Variants in C12orf56 observed in about 807,000 individuals in gnomAD.
C12orf56 encodes uncharacterized protein C12orf56.
In C12orf56, 71 loss-of-function variants were observed where a neutral mutation model predicts 69.9. The ratio of observed to expected loss-of-function variants is 1.02; its 90% confidence interval spans 0.84 to 1.24. The LOEUF is 1.24. Among genes scored for constraint, C12orf56 ranks in the 50% most tolerant of loss-of-function variants. C12orf56 has a pLI of 0.00. For missense variants in C12orf56, 732 were observed against 738.5 expected, an observed-to-expected ratio of 0.99 and a Z score of 0.10; for synonymous variants, 276 against 274.1, an observed-to-expected ratio of 1.01 and a Z score of -0.07.
chr12:64,283,876 A>G (rs1399058361), intron 8 of C12orf56, among the ~76,000 whole-genome samples: 3 of 148,196 alleles, frequency 2.0e-5, no homozygotes, highest in Admixed American at 2.0e-4. Flanking sequence ...TTCAATTAAG[A>G]TCTTCTTTGG....
chr12:64,317,001 T>C (rs921710051), intron 4 of C12orf56, among the ~76,000 whole-genome samples: 2 of 152,250 alleles, frequency 1.3e-5, no homozygotes, highest in Non-Finnish European at 2.9e-5. Context: ...AACAGTTATT[T>C]TGAAGTATTC....
rs71092950 is a variant in C12orf56 at position 64,296,870 on chromosome 12, CTT to C, written c.1113+6763_1113+6764del. Among the ~76,000 whole-genome samples the C allele has an allele frequency of 3.4e-3, 441 of 131,034 alleles. 2 individuals carry two copies. The highest frequency in any genetic ancestry group is 3.7e-3 in the Middle Eastern group (1 of 270). 86.0% of individuals were successfully genotyped at this position (131,034 alleles called of 152,430 possible). Reference sequence around the variant, plus strand: ...AAGATGAGTTTGGCCCCCTTCCACCCTTTTTTTTTTTTTTGCATGCTCTTTTG... The same window carrying C: ...AAGATGAGTTTGGCCCCCTTCCACCCTTTTTTTTTTTTGCATGCTCTTTTG... On this transcript the variant is annotated intron_variant, in intron 6 of 12. Coordinates refer to ENST00000543942, the MANE Select transcript of C12orf56 (RefSeq NM_001170633.2).
At chr12:64,349,793 G>T (rs2039196652) in intron 2 of C12orf56, among the ~76,000 whole-genome samples, 1 of 152,046 alleles carries the variant, frequency 6.6e-6, no homozygotes, top group African/African-American at 2.4e-5. Context: ...GGATACAAAG[G>T]CATAAGAATG....
intron 6 of C12orf56, among the ~76,000 whole-genome samples, 198 bp downstream of exon 6, chr12:64,303,437 C>T (rs1205882927): frequency 6.6e-6 from 1 of 150,962 alleles, no homozygotes; most frequent in African/African-American, 2.4e-5. Flanking sequence ...TTCCCATCTC[C>T]CCTCCACACA....
Position 64,314,383 on chromosome 12 carries a change from G to A in C12orf56, c.895-1631C>T, listed in dbSNP as rs1003689808. 5.3e-5 allele frequency among the ~76,000 whole-genome samples: 8 copies of A among 152,144 alleles called. No homozygotes were observed. The East Asian group carries it at 1.5e-3, about 29-fold the overall frequency. ...GCTAGGATTACAGGCATAAGCCACT[G>A]CATCCAACCAATATCAATTCTTTTA... is the stretch of plus-strand genomic sequence containing the variant. On this transcript the variant is annotated intron_variant, in intron 4 of 12. Transcript: ENST00000543942.
chr12:64,358,479 AATAATCATCATCATCATCATCATC>A (rs2039351976), intron 1 of C12orf56, among the ~76,000 whole-genome samples: 1 of 25,082 alleles, frequency 4.0e-5, no homozygotes, highest in African/African-American at 6.4e-5. Context: ...TAATAATAAT[AATAATCATCATCATCATCATCATC>A]ATCATCTTGG....
At chr12:64,305,338 AG>A (rs2136808824) in intron 5 of C12orf56, among the ~76,000 whole-genome samples, 1 of 152,246 alleles carries the variant, frequency 6.6e-6, no homozygotes, top group East Asian at 1.9e-4. Flanking sequence ...TGTGTAAAAT[AG>A]GAATAATGAT....
Position 64,327,738 on chromosome 12 carries a change from G to C in C12orf56, c.488+3222C>G, listed in dbSNP as rs554316743. On this transcript the variant is annotated intron_variant, in intron 3 of 12. Transcript: ENST00000543942. The stretch of plus-strand genomic sequence containing the variant: ...GTCTCAATGCGCATTTTAAGCTATG[G>C]TTTGCCATGCTAAATAGAACACATT... Among the ~76,000 whole-genome samples, 3 of 152,270 alleles carry C rather than the reference G, an allele frequency of 2.0e-5. No individual in the cohort carries two copies. The East Asian group carries it at 5.8e-4, about 29-fold the overall frequency.
chr12:64,312,674 C>T lies in C12orf56; in HGVS notation c.968+5G>A, dbSNP rs1299458069. 3 of 1,530,252 alleles carry T rather than the reference C, an allele frequency of 2.0e-6. No homozygotes were observed. The Admixed American group carries it at 5.9e-5, about 30-fold the overall frequency. The allele number at this position is 1,530,252 out of a possible 1,614,324, so 94.8% of individuals were successfully genotyped here. On this transcript the variant is annotated splice_donor_5th_base_variant and intron_variant, in intron 5 of 12. Coordinates refer to ENST00000543942, the MANE Select transcript of C12orf56 (RefSeq NM_001170633.2). Reference sequence around the variant, plus strand: ...GCAACTCTATCATACATCATCACTTCTTACCTATATGGCTTTTGACTTCCA... The same window carrying T: ...GCAACTCTATCATACATCATCACTTTTTACCTATATGGCTTTTGACTTCCA...
chr12:64,268,051 T>G (rs912569149), intron 12 of C12orf56, among the ~76,000 whole-genome samples: 13 of 152,326 alleles, frequency 8.5e-5, no homozygotes, highest in Admixed American at 3.9e-4. Context: ...GAGCATCATG[T>G]TGGTGTTCAA....
chr12:64,288,873 C>T (rs1236093283), intron 6 of C12orf56, among the ~76,000 whole-genome samples: 1 of 151,102 alleles, frequency 6.6e-6, no homozygotes, highest in African/African-American at 2.4e-5. Context: ...GTAGTTTTTT[C>T]CAATTCTGTG....
At chr12:64,350,093 GA>G (rs200890156) in intron 2 of C12orf56, among the ~76,000 whole-genome samples, 18,043 of 119,332 alleles carry the variant, frequency 0.15, 1,398 homozygotes, top group East Asian at 0.27. Context: ...CTCAGTCTCA[GA>G]AAAAAAAAAA....
At chr12:64,374,843 C>T (rs1348103991) in intron 1 of C12orf56, among the ~76,000 whole-genome samples, 1 of 152,072 alleles carries the variant, frequency 6.6e-6, no homozygotes, top group African/African-American at 2.4e-5. Context: ...CATCCCCAGT[C>T]TTTATTTTCA....
At chr12:64,317,183 G>A (rs888390088) in intron 4 of C12orf56, among the ~76,000 whole-genome samples, 5 of 152,086 alleles carry the variant, frequency 3.3e-5, no homozygotes, top group South Asian at 2.1e-4. Context: ...CTTCCAAACA[G>A]TGGTATGAGA....
chr12:64,326,653 C>T (rs1025318230), intron 3 of C12orf56, among the ~76,000 whole-genome samples: 4 of 151,668 alleles, frequency 2.6e-5, no homozygotes, highest in South Asian at 2.1e-4. Flanking sequence ...AGAAGAATCG[C>T]TTAGGGAACC....
At chr12:64,354,124 G>T (rs1420074274) in intron 1 of C12orf56, among the ~76,000 whole-genome samples, 8 of 152,312 alleles carry the variant, frequency 5.3e-5, no homozygotes, top group African/African-American at 1.7e-4. Flanking sequence ...AAACATCTAG[G>T]TTTGAACTAC....
chr12:64,362,027 G>A (rs973197525), intron 1 of C12orf56, among the ~76,000 whole-genome samples: 1 of 152,064 alleles, frequency 6.6e-6, no homozygotes, highest in Non-Finnish European at 1.5e-5. Flanking sequence ...CACCTTGCCT[G>A]GCCTACTCCT....
chr12:64,329,364 C>T (rs939456771), intron 3 of C12orf56, among the ~76,000 whole-genome samples: 26 of 152,078 alleles, frequency 1.7e-4, no homozygotes, highest in African/African-American at 4.8e-4. Context: ...CTCTTCCATC[C>T]GTCCCTTTTT....
chr12:64,373,022 A>ATCTGG (rs2039594211), intron 1 of C12orf56, among the ~76,000 whole-genome samples: 1 of 152,150 alleles, frequency 6.6e-6, no homozygotes, highest in South Asian at 2.1e-4. Context: ...GTTTCCTGCA[A>ATCTGG]TATTCTGCTT....
Sources: gnomAD v4.1 joint callset for allele counts (sites outside exome capture counted in the v4.1 genomes callset) on GRCh38, gnomAD v4.1.1 for gene constraint, MANE v1.5 for transcripts, NCBI Gene and HGNC (gene_info 2026-07-23, HGNC 2026-07-21) for gene names.